SEMA3A: variants seen among roughly 807,000 people sequenced by gnomAD.
SEMA3A encodes semaphorin 3A.
In SEMA3A, 29 loss-of-function variants were observed where a neutral mutation model predicts 97.9. The observed-to-expected ratio is 0.30, with a 90% CI of 0.22 to 0.40. The LOEUF is 0.40. Ranked by LOEUF, SEMA3A falls within the 10% of genes least tolerant of loss-of-function variation. SEMA3A has a pLI of 1.00. For missense variants in SEMA3A, 763 were observed against 951.3 expected, an observed-to-expected ratio of 0.80 and a Z score of 2.60; for synonymous variants, 321 against 323.7, an observed-to-expected ratio of 0.99 and a Z score of 0.09.
intron 4 of SEMA3A, among the ~76,000 whole-genome samples, chr7:84,100,688 G>GA (rs1583967539): frequency 1.3e-5 from 2 of 151,922 alleles, no homozygotes; most frequent in Non-Finnish European, 2.9e-5. Context: ...AGAAAATTAA[G>GA]AAAAAATGTT....
chr7:84,291,798 A>T (rs1800754232), intron 3 of SEMA3A, among the ~76,000 whole-genome samples: 2 of 152,160 alleles, frequency 1.3e-5, no homozygotes, highest in African/African-American at 4.8e-5. Flanking sequence ...TTAGAAAGCA[A>T]AACCGTTCCT....
chr7:84,333,866 T>C (rs1013627288), intron 2 of SEMA3A, among the ~76,000 whole-genome samples: 3 of 110,704 alleles, frequency 2.7e-5, no homozygotes, highest in African/African-American at 4.4e-5. Context: ...GAAATTACTT[T>C]TGAATTTGCC....
chr7:84,403,589 A>C (rs922722028), intron 1 of SEMA3A, among the ~76,000 whole-genome samples: 3 of 152,196 alleles, frequency 2.0e-5, no homozygotes, highest in African/African-American at 7.2e-5. Context: ...GAACGGGCAG[A>C]CTGCCTCCTC....
chr7:84,149,530 TC>T (rs1488263620), intron 1 of SEMA3A, among the ~76,000 whole-genome samples: 1 of 152,216 alleles, frequency 6.6e-6, no homozygotes, highest in Non-Finnish European at 1.5e-5. Context: ...CTAAAGATTT[TC>T]TAGACCAATG....
intron 1 of SEMA3A, among the ~76,000 whole-genome samples, chr7:84,403,165 G>A (rs1264800298): frequency 6.6e-6 from 1 of 152,164 alleles, no homozygotes; most frequent in African/African-American, 2.4e-5. Flanking sequence ...AGGGGTGACA[G>A]ATGGCACCTG....
chr7:84,442,104 G>A (rs1299462902), intron 1 of SEMA3A, among the ~76,000 whole-genome samples: 1 of 152,124 alleles, frequency 6.6e-6, no homozygotes, highest in African/African-American at 2.4e-5. Context: ...ATAAAATATA[G>A]TATTGTAGTG....
chr7:84,177,645 CA>C (rs1797611154), intron 1 of SEMA3A, among the ~76,000 whole-genome samples: 1 of 152,178 alleles, frequency 6.6e-6, no homozygotes, highest in East Asian at 1.9e-4. Flanking sequence ...ATATCCTCTA[CA>C]AAAGTATAAA....
chr7:84,150,690 A>C (rs575768749), intron 1 of SEMA3A, among the ~76,000 whole-genome samples: 2,087 of 152,240 alleles, frequency 0.014, 31 homozygotes, highest in African/African-American at 0.037. Context: ...CCCAGGCTTG[A>C]TTAGGTAAAC....
At chr7:84,367,615 AACAAG>A (rs1395155901) in intron 2 of SEMA3A, among the ~76,000 whole-genome samples, 3 of 150,962 alleles carry the variant, frequency 2.0e-5, no homozygotes, top group Non-Finnish European at 4.5e-5. Context: ...GTTGAGGCTT[AACAAG>A]AGCCTAAGAT....
At chr7:84,480,716 G>A (rs894055309) in intron 1 of SEMA3A, among the ~76,000 whole-genome samples, 40 of 152,090 alleles carry the variant, frequency 2.6e-4, no homozygotes, top group South Asian at 8.3e-4. Context: ...TTTTTAAAAC[G>A]TAACTACCCC....
chr7:84,003,601 C>T (rs777010648), intron 11 of SEMA3A, among the ~76,000 whole-genome samples: 2 of 152,038 alleles, frequency 1.3e-5, no homozygotes, highest in Non-Finnish European at 2.9e-5. Flanking sequence ...ATTAAAAGCT[C>T]ATGATTAAGT....
intron 1 of SEMA3A, among the ~76,000 whole-genome samples, chr7:84,410,043 C>G (rs1804218155): frequency 6.6e-6 from 1 of 151,796 alleles, no homozygotes; most frequent in African/African-American, 2.4e-5. Context: ...TATAGTATAA[C>G]TGATTTTAAA....
intron 3 of SEMA3A, among the ~76,000 whole-genome samples, chr7:84,235,126 A>G (rs1316708136): frequency 1.3e-5 from 2 of 152,118 alleles, no homozygotes; most frequent in African/African-American, 4.8e-5. Flanking sequence ...TTAGCAAATT[A>G]TCCAAAGACA....
rs541896893 is a variant in SEMA3A at position 84,048,676 on chromosome 7, C to A, written c.548-2233G>T. Among the ~76,000 whole-genome samples the A allele has an allele frequency of 1.1e-3, 174 of 151,706 alleles. 1 individual carries two copies. Among genetic ancestry groups the A allele is most frequent in the African/African-American group, 4.1e-3 (169 of 41,406 alleles). On this transcript the variant is annotated intron_variant, in intron 5 of 16. Transcript: ENST00000265362. The stretch of plus-strand genomic sequence containing the variant: ...TTTGCCTCTAAACCACAGTTAAAAA[C>A]TAAAAATAGAATAATTTAAAAAATG...
chr7:84,450,328 C>T (rs111629976), intron 1 of SEMA3A, among the ~76,000 whole-genome samples: 230 of 152,206 alleles, frequency 1.5e-3, no homozygotes, highest in African/African-American at 2.2e-3. Context: ...TCCACTCTTG[C>T]GTGCAATTCT....
rs530624996 is a variant in SEMA3A, at chr7:84,121,939, G to A, written c.333+7184C>T. On this transcript the variant is annotated intron_variant, in intron 3 of 16. Coordinates refer to ENST00000265362, the MANE Select transcript of SEMA3A (RefSeq NM_006080.3). ...CAGGCGTGAGCCACCGCGCCCGGCC[G>A]GTTCCAAGTCTTTGATATTGTGAAT... 6.2e-4 allele frequency among the ~76,000 whole-genome samples: 47 copies of A among 76,418 alleles called. 21 individuals carry two copies. Among genetic ancestry groups the A allele is most frequent in the African/African-American group, 2.3e-3 (47 of 20,158 alleles). 50.1% of individuals were successfully genotyped at this position (76,418 alleles called of 152,430 possible).
intron 12 of SEMA3A, among the ~76,000 whole-genome samples, chr7:83,992,560 C>A (rs1346696698): frequency 6.6e-6 from 1 of 151,940 alleles, no homozygotes; most frequent in African/African-American, 2.4e-5. Context: ...TTATGTCTGC[C>A]TTCATTTCCT....
intron 3 of SEMA3A, among the ~76,000 whole-genome samples, chr7:84,286,537 A>C (rs1800592642): frequency 6.6e-6 from 1 of 152,204 alleles, no homozygotes; most frequent in African/African-American, 2.4e-5. Flanking sequence ...TGATGGATTC[A>C]TATTTTATTA....
At chr7:84,363,670 T>TA (rs1188903756) in intron 2 of SEMA3A, among the ~76,000 whole-genome samples, 1 of 151,898 alleles carries the variant, frequency 6.6e-6, no homozygotes, top group Non-Finnish European at 1.5e-5. Flanking sequence ...ATTGTGATTG[T>TA]AACTTTCACA....
Sources: allele counts gnomAD v4.1 joint callset (sites outside exome capture counted in the v4.1 genomes callset), GRCh38; gene constraint gnomAD v4.1.1; transcripts MANE v1.5; gene names NCBI Gene and HGNC (gene_info 2026-07-23, HGNC 2026-07-21).